ACOX2: variants seen among roughly 807,000 people sequenced by gnomAD.
ACOX2 encodes the protein peroxisomal acyl-coenzyme A oxidase 2.
ACOX2 carries 59 observed loss-of-function variants against 77.5 expected under a neutral mutation model. The ratio of observed to expected loss-of-function variants is 0.76; its 90% CI spans 0.62 to 0.95. The LOEUF is 0.95. ACOX2 is among the 40% of genes least tolerant of loss of function. ACOX2 has a pLI of 0.00. For missense variants in ACOX2, 837 were observed against 880.4 expected (o/e 0.95, Z 0.62); for synonymous variants, 317 against 340.1 (o/e 0.93, Z 0.75).
At position 58,525,502 on chromosome 3, in the gene ACOX2, T is replaced by C. The variant is rs926466836; in HGVS notation, c.1347-897A>G. 1.1e-4 allele frequency among the ~76,000 whole-genome samples: 16 copies of C among 152,206 alleles called. No homozygotes were observed. The highest frequency in any genetic ancestry group is 2.2e-4 in the Non-Finnish European group (15 of 68,032). Reference sequence around the variant, plus strand: ...TTGGCCATTGCTTGGAGCCTCTGTGTGCAGGCTCTGCACCAAGCTTAGGCG... The same window carrying C: ...TTGGCCATTGCTTGGAGCCTCTGTGCGCAGGCTCTGCACCAAGCTTAGGCG... On this transcript the variant is annotated intron_variant, in intron 10 of 14. Transcript: ENST00000302819. This position sits in a 1 kb window ranked among gnomAD's most constrained non-coding sequence, Gnocchi z 5.0.
In ACOX2 at chr3:58,537,190, T is replaced by C. The variant is rs2063488302; in HGVS notation, c.-163A>G. On this transcript the variant is annotated 5_prime_UTR_variant, in exon 1 of 15. Coordinates refer to ENST00000302819, the MANE Select transcript of ACOX2 (RefSeq NM_003500.4). ...CTCCCCGGCTGTAGGCCGCAGCCTCTGGCAGGCTTGTGGTCCTGCCCTTCT... is the reference window on the plus strand; with the variant it reads ...CTCCCCGGCTGTAGGCCGCAGCCTCCGGCAGGCTTGTGGTCCTGCCCTTCT... The C allele has an allele frequency of 6.6e-6, 1 of 152,522 alleles. No homozygotes were observed. The highest frequency in any genetic ancestry group is 1.5e-5 in the Non-Finnish European group (1 of 68,280). 9.4% of individuals were successfully genotyped at this position (152,522 alleles called of 1,614,324 possible).
At chr3:58,510,657 AAAAAAAATATATATATATATATATAT>A (rs2063274092) in intron 13 of ACOX2, among the ~76,000 whole-genome samples, 4 of 33,894 alleles carry the variant, frequency 1.2e-4, no homozygotes, top group African/African-American at 2.5e-4. Flanking sequence ...AAAAAAAAAA[AAAAAAAATATATATATATATATATAT>A]ATATATATAT....
rs1354322315 is a variant in ACOX2 at position 58,526,482 on chromosome 3, A to G, written c.1330T>C (p.Tyr444His). The G allele has an allele frequency of 3.1e-6, 5 of 1,613,606 alleles. No individual in the cohort carries two copies. The highest frequency in any genetic ancestry group is 4.2e-6 in the Non-Finnish European group (5 of 1,179,706). Residue 444 changes from tyrosine (Y) to histidine (H), a missense_variant, in exon 10 of 15, where the codon TAC (tyrosine) becomes CAC (histidine). Tyr to His is a moderately conservative substitution (Grantham distance 83). Coordinates refer to ENST00000302819, the MANE Select transcript of ACOX2 (RefSeq NM_003500.4). The surrounding 1 kb of genome is among the most constrained non-coding windows in gnomAD (Gnocchi z 4.3). ...CTYEGENTVL[Y>H]LQVARFLVKS... ...GGACCTTACCTGGCCACCTGCAGGT[A>G]GAGCACTGTGTTCTCACCCTCGTAG...
In ACOX2 at chr3:58,522,584, A is replaced by C; in HGVS notation, c.1544T>G (p.Val515Gly). Residue 515 changes from valine (V) to glycine (G), a missense_variant, in exon 12 of 15, where the codon GTG (valine) becomes GGG (glycine). Transcript: ENST00000302819. This position sits in a 1 kb window ranked among gnomAD's most constrained non-coding sequence, Gnocchi z 4.3. ...TTGCGTCAGGGTCTGTAAATGCTGCACTGAGTCCTTTATGAGCCTGAAAGC... is the reference window on the plus strand; with the variant it reads ...TTGCGTCAGGGTCTGTAAATGCTGCCCTGAGTCCTTTATGAGCCTGAAAGC... ...HVAVRLIKDS[V>G]QHLQTLTQSG... 1 of 1,614,172 alleles carries C rather than the reference A, an allele frequency of 6.2e-7. No homozygotes were observed. The highest frequency in any genetic ancestry group is 8.5e-7 in the Non-Finnish European group (1 of 1,180,032).
intron 13 of ACOX2, among the ~76,000 whole-genome samples, chr3:58,509,630 T>TTG (rs1480043871): frequency 1.6e-4 from 20 of 125,676 alleles, no homozygotes; most frequent in Non-Finnish European, 2.3e-4. Flanking sequence ...TTTTTTTTGA[T>TTG]ACAGAGTCTC....
rs758404897 is a variant in ACOX2, at chr3:58,519,385, G to GA, written c.1633-1963dup. 2.2e-4 allele frequency among the ~76,000 whole-genome samples: 34 copies of GA among 151,150 alleles called. No homozygotes were observed. The East Asian group carries it at 2.3e-3, about 10-fold the overall frequency. On this transcript the variant is annotated intron_variant, in intron 12 of 14. Coordinates refer to ENST00000302819, the MANE Select transcript of ACOX2 (RefSeq NM_003500.4). This position sits in a 1 kb window ranked among gnomAD's most constrained non-coding sequence, Gnocchi z 5.0. ...GGTGGTGGAGTGAGACTCTATCATA[G>GA]AAAAAAAAAGAGTGCCTTGGGGGTT...
chr3:58,534,386 A>G lies in ACOX2; in HGVS notation c.297T>C (p.Asp99=), dbSNP rs1298300493. 2 of 1,614,204 alleles carry G rather than the reference A, an allele frequency of 1.2e-6. No individual in the cohort carries two copies. Among genetic ancestry groups the G allele is most frequent in the Admixed American group, 1.7e-5 (1 of 60,024 alleles). ...LIARRLGWLE[D]GRELGYAYRA... Reference sequence around the variant, plus strand: ...TGTAAGCGTAGCCTAATTCACGACCATCTTCTAACCAACCCAGGCGCCGAG... The same window carrying G: ...TGTAAGCGTAGCCTAATTCACGACCGTCTTCTAACCAACCCAGGCGCCGAG... The change falls in exon 3 of 15, where the codon GAT becomes GAC. Residue 99 remains aspartate (D), a synonymous_variant. Transcript: ENST00000302819. This position sits in a 1 kb window ranked among gnomAD's most constrained non-coding sequence, Gnocchi z 4.8.
intron 13 of ACOX2, 40 bp downstream of exon 13, chr3:58,517,166 T>G (rs764818441): frequency 6.2e-7 from 1 of 1,602,860 alleles, no homozygotes; most frequent in Non-Finnish European, 8.5e-7. Context: ...GTAGGGTTAT[T>G]CTCTGAAGAC....
At position 58,534,129 on chromosome 3, in the gene ACOX2, C is replaced by T. The variant is rs565971923; in HGVS notation, c.340G>A (p.Val114Met). Reference protein sequence around the residue: ...GYAYRALSGDVALNIHRVFVR... With the variant: ...GYAYRALSGDMALNIHRVFVR... The stretch of plus-strand genomic sequence containing the variant: ...AAGACTCTGTGTATATTTAAGGCCA[C>T]GTCTCCAGAAAGGGCTCTGTTGGGG... Residue 114 changes from valine (V) to methionine (M), a missense_variant, in exon 4 of 15, where the codon GTG (valine) becomes ATG (methionine). Physicochemically the swap from Val to Met is conservative, Grantham distance 21 (BLOSUM62 1). Coordinates refer to ENST00000302819, the MANE Select transcript of ACOX2 (RefSeq NM_003500.4). This position sits in a 1 kb window ranked among gnomAD's most constrained non-coding sequence, Gnocchi z 4.8. The T allele has an allele frequency of 4.2e-5, 67 of 1,614,156 alleles. No individual in the cohort carries two copies. The highest frequency in any genetic ancestry group is 3.3e-4 in the Middle Eastern group (2 of 6,058).
chr3:58,531,695 G>C lies in ACOX2; in HGVS notation c.701C>G (p.Pro234Arg), dbSNP rs2063440958. 1 of 1,613,956 alleles carries C rather than the reference G, an allele frequency of 6.2e-7. No homozygotes were observed. The highest frequency in any genetic ancestry group is 1.1e-5 in the South Asian group (1 of 91,042). ...IRSLQDHTPL[P>R]GIIIGDIGPK... The stretch of plus-strand genomic sequence containing the variant: ...TTGAGGGAGCATTATGGGCTTACCT[G>C]GCAGTGGGGTGTGGTCCTGAAGACT... The change falls in exon 6 of 15, where the codon CCA (proline) becomes CGA (arginine). Residue 234 changes from proline to arginine, a missense_variant and splice_region_variant. Coordinates refer to ENST00000302819, the MANE Select transcript of ACOX2 (RefSeq NM_003500.4). This position sits in a 1 kb window ranked among gnomAD's most constrained non-coding sequence, Gnocchi z 5.8.
Position 58,533,916 on chromosome 3 carries a change from G to T in ACOX2, c.475+78C>A. On this transcript the variant is annotated intron_variant, in intron 4 of 14. Coordinates refer to ENST00000302819, the MANE Select transcript of ACOX2 (RefSeq NM_003500.4). The surrounding 1 kb of genome is among the most constrained non-coding windows in gnomAD (Gnocchi z 5.6). ...TGTCCCTCGGAGCATATGAACCTAT[G>T]ACTACCTAGATGTAAATGGGCCCTC... The T allele has an allele frequency of 1.3e-6, 2 of 1,541,060 alleles. No homozygotes were observed. The highest frequency in any genetic ancestry group is 1.2e-5 in the South Asian group (1 of 85,038).
chr3:58,505,388 G>T lies in ACOX2; in HGVS notation c.1984-102C>A. ...CTCTAGCTTCAAAAAGTAACATTAC[G>T]TAAGATTCTTAATTTTAAAAATTAT... On this transcript the variant is annotated intron_variant, in intron 14 of 14. Transcript: ENST00000302819. This position sits in a 1 kb window ranked among gnomAD's most constrained non-coding sequence, Gnocchi z 4.4. 3.3e-6 allele frequency: 3 copies of T among 921,700 alleles called. No homozygotes were observed. The highest frequency in any genetic ancestry group is 4.8e-6 in the Non-Finnish European group (3 of 622,496). 57.1% of individuals were successfully genotyped at this position (921,700 alleles called of 1,614,324 possible).
intron 14 of ACOX2, among the ~76,000 whole-genome samples, chr3:58,506,548 T>C (rs1182590031): frequency 6.6e-6 from 1 of 152,208 alleles, no homozygotes; most frequent in African/African-American, 2.4e-5. Flanking sequence ...ATCCCAGCAC[T>C]TTGGGAGGCT....
At position 58,510,659 on chromosome 3, in the gene ACOX2, A is replaced by AT. The variant is rs2063274385; in HGVS notation, c.1851-1635_1851-1634insA. Among the ~76,000 whole-genome samples the AT allele has an allele frequency of 1.2e-4, 3 of 24,796 alleles. 1 individual carries two copies. The Admixed American group carries it at 2.1e-3, about 17-fold the overall frequency. 16.3% of individuals were successfully genotyped at this position (24,796 alleles called of 152,430 possible). A position where few individuals can be genotyped will look rare whatever the true frequency, so the allele number is the denominator to read the frequency against. Reference sequence around the variant, plus strand: ...AAAAAAAAAAAAAAAAAAAAAAAAAAAAAAATATATATATATATATATATA... The same window carrying AT: ...AAAAAAAAAAAAAAAAAAAAAAAAAATAAAAATATATATATATATATATATA... On this transcript the variant is annotated intron_variant, in intron 13 of 14. Transcript: ENST00000302819.
Position 58,526,202 on chromosome 3 carries a change from G to A in ACOX2, c.1346+264C>T, listed in dbSNP as rs1449739550. ...AAAGATGTGATCCTCCCTAGGCTCTGAACAGATCCCTCCGGCTGCCTGTGG... is the reference window on the plus strand; with the variant it reads ...AAAGATGTGATCCTCCCTAGGCTCTAAACAGATCCCTCCGGCTGCCTGTGG... On this transcript the variant is annotated intron_variant, in intron 10 of 14. Transcript: ENST00000302819. This position sits in a 1 kb window ranked among gnomAD's most constrained non-coding sequence, Gnocchi z 4.3. 6.6e-6 allele frequency among the ~76,000 whole-genome samples: 1 copy of A among 152,176 alleles called. No homozygotes were observed. The highest frequency in any genetic ancestry group is 1.5e-5 in the Non-Finnish European group (1 of 68,024).
At chr3:58,520,645 A>C (rs1263493303) in intron 12 of ACOX2, among the ~76,000 whole-genome samples, 1 of 152,210 alleles carries the variant, frequency 6.6e-6, no homozygotes, top group Non-Finnish European at 1.5e-5. Flanking sequence ...TATGGTTTCT[A>C]GATGGGGCCC....
rs751881483 is a variant in ACOX2 at position 58,526,646 on chromosome 3, A to G, written c.1166T>C (p.Leu389Pro). 5 of 1,613,864 alleles carry G rather than the reference A, an allele frequency of 3.1e-6. No individual in the cohort carries two copies. Among genetic ancestry groups the G allele is most frequent in the Non-Finnish European group, 1.7e-6 (2 of 1,179,904 alleles). ...CATCATGGCCTTCATGCCCGTGCTCAGTGCGTGGAGCTGTGAGAACATGGA... is the reference window on the plus strand; with the variant it reads ...CATCATGGCCTTCATGCCCGTGCTCGGTGCGTGGAGCTGTGAGAACATGGA... ...DFSFLPELHA[L>P]STGMKAMMSE... The change falls in exon 10 of 15, where the codon CTG becomes CCG. Residue 389 changes from leucine (L) to proline (P), a missense_variant. Coordinates refer to ENST00000302819, the MANE Select transcript of ACOX2 (RefSeq NM_003500.4). The surrounding 1 kb of genome is among the most constrained non-coding windows in gnomAD (Gnocchi z 4.3).
At chr3:58,509,168 A>G (rs943874650) in intron 13 of ACOX2, 143 bp from the exon 14 acceptor site, 24 of 1,029,006 alleles carry the variant, frequency 2.3e-5, no homozygotes, top group African/African-American at 3.3e-5. Flanking sequence ...TTTAGTTTTT[A>G]TTTTTTAATC....
chr3:58,513,604 A>G lies in ACOX2; in HGVS notation c.1850+3602T>C, dbSNP rs563842510. ...TTCAGGTTTTTATTTTGTGGTTGCA[A>G]TACCGTCTCTTAACTCTGAGATATC... On this transcript the variant is annotated intron_variant, in intron 13 of 14. Transcript: ENST00000302819. Among the ~76,000 whole-genome samples the G allele has an allele frequency of 2.7e-5, 4 of 150,202 alleles. No individual in the cohort carries two copies. In the South Asian group the frequency reaches 8.4e-4, roughly 31 times the overall value.
Sources: gnomAD v4.1 joint callset for allele counts (sites outside exome capture counted in the v4.1 genomes callset) on GRCh38, gnomAD v4.1.1 for gene constraint, Gnocchi (gnomAD v3.1) non-coding constraint, MANE v1.5 for transcripts, NCBI Gene and HGNC (gene_info 2026-07-23, HGNC 2026-07-21) for gene names.